NTM: variants seen among roughly 807,000 people sequenced by gnomAD.
NTM encodes neurotrimin, also known as IgLON family member 2.
In NTM, 13 loss-of-function variants were observed where a neutral mutation model predicts 42.1. The observed-to-expected ratio is 0.31, with a 90% CI of 0.20 to 0.49. NTM has a LOEUF of 0.49. Among genes scored for constraint, NTM ranks in the 20% least tolerant of loss-of-function variants. The pLI is 0.99. For synonymous variants in NTM, 187 were observed against 179.2 expected (o/e 1.04, Z -0.35); for missense variants, 373 against 452.8 (o/e 0.82, Z 1.60).
intron 1 of NTM, among the ~76,000 whole-genome samples, chr11:131,479,552 A>T (rs570384570): frequency 6.6e-6 from 1 of 151,902 alleles, no homozygotes. Flanking sequence ...AAAATTTGGA[A>T]CTCCTCACCT....
chr11:131,916,100 G>A (rs113336513), intron 2 of NTM, among the ~76,000 whole-genome samples: 70 of 152,300 alleles, frequency 4.6e-4, no homozygotes, highest in African/African-American at 1.4e-3. Context: ...AAACGTGGGC[G>A]ATCACGCTGT....
intron 3 of NTM, among the ~76,000 whole-genome samples, chr11:132,161,763 G>T (rs1204569784): frequency 1.3e-5 from 2 of 152,106 alleles, no homozygotes; most frequent in African/African-American, 2.4e-5. Context: ...CCGCAGCTGC[G>T]CCATCCCCGG....
chr11:131,482,888 C>T (rs144035656), intron 1 of NTM, among the ~76,000 whole-genome samples: 174 of 152,152 alleles, frequency 1.1e-3, no homozygotes, highest in African/African-American at 2.4e-3. Flanking sequence ...GTGGGGGAGT[C>T]GAGCATGGGT....
At chr11:131,989,717 GCA>G (rs57222149) in intron 2 of NTM, among the ~76,000 whole-genome samples, 9,295 of 149,218 alleles carry the variant, frequency 0.062, 900 homozygotes, top group African/African-American at 0.21. Context: ...TTAGATACAT[GCA>G]CACACACACA....
intron 4 of NTM, among the ~76,000 whole-genome samples, chr11:132,231,560 C>T (rs1027851916): frequency 4.6e-5 from 7 of 152,218 alleles, no homozygotes; most frequent in African/African-American, 9.6e-5. Context: ...ATACTATGAT[C>T]TAGGTTTTAA....
intron 1 of NTM, among the ~76,000 whole-genome samples, chr11:131,894,118 G>A (rs930432337): frequency 3.9e-5 from 6 of 152,184 alleles, no homozygotes; most frequent in Non-Finnish European, 7.3e-5. Flanking sequence ...GTGAACAATG[G>A]ACTTCTGGAT....
chr11:132,198,838 G>A (rs1164474222), intron 3 of NTM, among the ~76,000 whole-genome samples: 2 of 152,190 alleles, frequency 1.3e-5, no homozygotes, highest in South Asian at 2.1e-4. Context: ...TATTCTGTGG[G>A]TGGACAGAGT....
At chr11:131,854,498 C>T (rs985558049) in intron 1 of NTM, among the ~76,000 whole-genome samples, 2 of 152,126 alleles carry the variant, frequency 1.3e-5, no homozygotes, top group African/African-American at 4.8e-5. Context: ...AAAACCAGCA[C>T]TGCAAAAAGC....
chr11:131,761,205 CTG>C, intron 1 of NTM, among the ~76,000 whole-genome samples: 1 of 152,274 alleles, frequency 6.6e-6, no homozygotes, highest in South Asian at 2.1e-4. Flanking sequence ...ACGGCTTTTT[CTG>C]TGTGAACACA....
intron 1 of NTM, among the ~76,000 whole-genome samples, chr11:131,382,859 C>T (rs1008442342): frequency 6.6e-6 from 1 of 152,174 alleles, no homozygotes; most frequent in Non-Finnish European, 1.5e-5. Context: ...TGTTACTTAG[C>T]AGATTTTGGA....
chr11:131,574,162 C>T (rs1403013671), intron 1 of NTM, among the ~76,000 whole-genome samples: 3 of 152,042 alleles, frequency 2.0e-5, no homozygotes, highest in East Asian at 1.9e-4. Flanking sequence ...AAGGCTGGCT[C>T]GGCCTTTGGA....
chr11:131,476,328 G>A (rs746135821), intron 1 of NTM, among the ~76,000 whole-genome samples: 1 of 152,190 alleles, frequency 6.6e-6, no homozygotes, highest in African/African-American at 2.4e-5. Context: ...TGGCAGGGTT[G>A]GGGTCTAAAA....
chr11:131,764,863 A>C (rs1439080053), intron 1 of NTM, among the ~76,000 whole-genome samples: 1 of 152,064 alleles, frequency 6.6e-6, no homozygotes, highest in African/African-American at 2.4e-5. Flanking sequence ...AGTTAAAGAG[A>C]GCTAACCTCT....
chr11:131,510,608 A>G (rs11222677), intron 1 of NTM, among the ~76,000 whole-genome samples: 18,220 of 151,378 alleles, frequency 0.12, 1,338 homozygotes, highest in East Asian at 0.26. Context: ...ACCAATTTCT[A>G]TCTATCATAT....
intron 1 of NTM, among the ~76,000 whole-genome samples, chr11:131,500,718 A>C: frequency 1.5e-5 from 2 of 133,120 alleles, no homozygotes; most frequent in South Asian, 2.9e-4. Flanking sequence ...ATATCTCCTA[A>C]TGCTATCCCT....
intron 4 of NTM, among the ~76,000 whole-genome samples, chr11:132,276,365 A>G (rs902588466): frequency 1.3e-5 from 2 of 152,062 alleles, no homozygotes; most frequent in African/African-American, 4.8e-5. Context: ...CAATAACGGG[A>G]TTCTTGGATC....
intron 1 of NTM, among the ~76,000 whole-genome samples, chr11:131,830,875 T>C (rs1216990092): frequency 6.6e-6 from 1 of 152,206 alleles, no homozygotes; most frequent in African/African-American, 2.4e-5. Context: ...TCCTTGTAGA[T>C]ATCTTTCACC....
chr11:131,789,849 G>C (rs561279759), intron 1 of NTM, among the ~76,000 whole-genome samples: 2 of 150,296 alleles, frequency 1.3e-5, no homozygotes, highest in African/African-American at 4.9e-5. Context: ...CCAGCTACAC[G>C]GGAGGCTGAG....
At chr11:132,139,457 T>A (rs968380151) in intron 2 of NTM, among the ~76,000 whole-genome samples, 1 of 152,216 alleles carries the variant, frequency 6.6e-6, no homozygotes, top group African/African-American at 2.4e-5. Flanking sequence ...GTTGTGCCAT[T>A]CATTTCAGAA....
Sources: allele counts gnomAD v4.1 joint callset (sites outside exome capture counted in the v4.1 genomes callset), GRCh38; gene constraint gnomAD v4.1.1; transcripts MANE v1.5; gene names NCBI Gene and HGNC (gene_info 2026-07-23, HGNC 2026-07-21).